The following PDE1A variants were observed in gnomAD, a reference collection of about 807,000 sequenced individuals.
PDE1A encodes the protein phosphodiesterase 1A, also known as dual specificity calcium/calmodulin-dependent 3',5'-cyclic nucleotide phosphodiesterase 1A.
In PDE1A, 35 loss-of-function variants were observed where a neutral mutation model predicts 61.7. That is an observed-to-expected ratio of 0.57 (90% CI 0.43 to 0.75). The LOEUF (loss-of-function observed/expected upper bound fraction) is 0.75. PDE1A is among the 30% of genes least tolerant of loss of function. The pLI is 0.00. For synonymous variants in PDE1A, 232 were observed against 213.2 expected, an observed-to-expected ratio of 1.09 and a Z score of -0.77; for missense variants, 597 against 630.6, an observed-to-expected ratio of 0.95 and a Z score of 0.57.
chr2:182,274,191 G>A (rs1372204889), intron 1 of PDE1A, among the ~76,000 whole-genome samples: 1 of 152,058 alleles, frequency 6.6e-6, no homozygotes, highest in Non-Finnish European at 1.5e-5. Context: ...CACCTTGGAA[G>A]GGTTAGAATT....
chr2:182,182,584 A>AT (rs1301169347), intron 13 of PDE1A, among the ~76,000 whole-genome samples: 2 of 151,778 alleles, frequency 1.3e-5, no homozygotes, highest in East Asian at 1.9e-4. Context: ...ATCAATCAAC[A>AT]TTTTTTCTCA....
chr2:182,364,493 A>C (rs965361689), intron 1 of PDE1A, among the ~76,000 whole-genome samples: 1 of 144,790 alleles, frequency 6.9e-6, no homozygotes, highest in Non-Finnish European at 1.5e-5. Context: ...AAAAAAAAAA[A>C]AAAAAACCTT....
chr2:182,705,445 T>A, the PDE1A span, among the ~76,000 whole-genome samples: 5 of 152,166 alleles, frequency 3.3e-5, no homozygotes, highest in African/African-American at 1.2e-4. Context: ...GATGAAAACA[T>A]TTTTACAAAG....
At chr2:182,301,445 G>GAA (rs1313848199) in intron 1 of PDE1A, among the ~76,000 whole-genome samples, 6 of 152,140 alleles carry the variant, frequency 3.9e-5, no homozygotes. Context: ...GACCCAGTTG[G>GAA]GTGATGTGTG....
At chr2:182,255,313 C>T (rs1272308382) in intron 2 of PDE1A, among the ~76,000 whole-genome samples, 1 of 152,220 alleles carries the variant, frequency 6.6e-6, no homozygotes, top group Non-Finnish European at 1.5e-5. Context: ...TTAATAAAAG[C>T]CGTTCATTAG....
intron 1 of PDE1A, among the ~76,000 whole-genome samples, chr2:182,397,533 A>T (rs1023261397): frequency 2.6e-5 from 4 of 152,178 alleles, no homozygotes; most frequent in Non-Finnish European, 5.9e-5. Flanking sequence ...ATTAGTGTTA[A>T]TGTCAGACAT....
chr2:182,470,948 C>T (rs1157403824), intron 2 of PDE1A, among the ~76,000 whole-genome samples: 6 of 151,846 alleles, frequency 4.0e-5, no homozygotes, highest in Non-Finnish European at 8.8e-5. Context: ...TGTCTGTGTT[C>T]TAAGTGATTT....
At chr2:182,410,844 C>A (rs567298313) in intron 1 of PDE1A, among the ~76,000 whole-genome samples, 58 of 152,254 alleles carry the variant, frequency 3.8e-4, no homozygotes, top group African/African-American at 1.3e-3. Flanking sequence ...TGTGCCTATC[C>A]ATGCCACACT....
At chr2:182,281,738 C>A (rs1054526578) in intron 1 of PDE1A, among the ~76,000 whole-genome samples, 1 of 151,886 alleles carries the variant, frequency 6.6e-6, no homozygotes, top group African/African-American at 2.4e-5. Flanking sequence ...CCCCTCTCAA[C>A]GGCTGCTTAG....
chr2:182,432,271 A>C (rs1168221652), intron 2 of PDE1A, among the ~76,000 whole-genome samples: 9 of 152,106 alleles, frequency 5.9e-5, no homozygotes, highest in African/African-American at 2.2e-4. Context: ...ACCAAGAATA[A>C]ACTCTGTAGT....
the PDE1A span, among the ~76,000 whole-genome samples, chr2:182,704,780 CACA>C: frequency 6.6e-6 from 1 of 152,122 alleles, no homozygotes. Context: ...TGTGGTATCA[CACA>C]ACATCACATA....
At chr2:182,626,107 T>A in the PDE1A span, among the ~76,000 whole-genome samples, 7 of 152,156 alleles carry the variant, frequency 4.6e-5, no homozygotes, top group Admixed American at 2.0e-4. Context: ...CTTCCACATG[T>A]TGGAAGTGCA....
At chr2:182,536,545 G>A in the PDE1A span, among the ~76,000 whole-genome samples, 1 of 152,080 alleles carries the variant, frequency 6.6e-6, no homozygotes, top group Admixed American at 6.5e-5. Context: ...TGCCTTTATA[G>A]GGCTTATATT....
intron 1 of PDE1A, among the ~76,000 whole-genome samples, chr2:182,409,168 C>T (rs151295262): frequency 2.6e-5 from 4 of 152,176 alleles, no homozygotes; most frequent in Non-Finnish European, 4.4e-5. Flanking sequence ...CTTTTACATG[C>T]TTTTCCTTAA....
chr2:182,223,958 G>C lies in PDE1A; in HGVS notation c.682C>G (p.Leu228Val), dbSNP rs758752220. 1 of 1,598,386 alleles carries C rather than the reference G, an allele frequency of 6.3e-7. No homozygotes were observed. The highest frequency in any genetic ancestry group is 2.3e-5 in the East Asian group (1 of 44,044). Residue 228 changes from leucine to valine, a missense_variant, in exon 7 of 14, where the codon CTC becomes GTC. Leu to Val is a conservative substitution (Grantham distance 32). Transcript: ENST00000351439. ...ATTGCTAAAATTTCCAGTTCAGTGA[G>C]CCAGTGCTAGTAAATTACAGAAAGA... is the stretch of plus-strand genomic sequence containing the variant.
chr2:182,413,540 A>G (rs1443402869), intron 1 of PDE1A, among the ~76,000 whole-genome samples: 1 of 152,196 alleles, frequency 6.6e-6, no homozygotes, highest in Admixed American at 6.5e-5. Context: ...CAAGAGGATT[A>G]AAAGTACAGG....
chr2:182,620,904 G>T, the PDE1A span, among the ~76,000 whole-genome samples: 1 of 152,096 alleles, frequency 6.6e-6, no homozygotes, highest in Admixed American at 6.5e-5. Flanking sequence ...CAATGCATAT[G>T]ATTCTTCAGA....
chr2:182,569,159 T>C, the PDE1A span, among the ~76,000 whole-genome samples: 1 of 151,386 alleles, frequency 6.6e-6, no homozygotes. Flanking sequence ...GGGGCTGACG[T>C]GGGAGGATCA....
the PDE1A span, among the ~76,000 whole-genome samples, chr2:182,715,742 C>T: frequency 1.3e-5 from 2 of 152,304 alleles, no homozygotes; most frequent in Middle Eastern, 3.4e-3. Flanking sequence ...CACACGCTTA[C>T]ACAAAATTGT....
Sources: gnomAD v4.1 joint callset for allele counts (sites outside exome capture counted in the v4.1 genomes callset) on GRCh38, gnomAD v4.1.1 for gene constraint, MANE v1.5 for transcripts, NCBI Gene and HGNC (gene_info 2026-07-23, HGNC 2026-07-21) for gene names.